Variants in DIAPH3 observed in about 807,000 individuals in gnomAD.
The protein encoded by DIAPH3 is diaphanous related formin 3, also known as protein diaphanous homolog 3.
In DIAPH3, 117 loss-of-function variants were observed where a neutral mutation model predicts 144.3. The observed-to-expected ratio is 0.81, with a 90% CI of 0.70 to 0.95. The LOEUF (loss-of-function observed/expected upper bound fraction) is 0.95, where lower values mean the gene tolerates loss of function less well. DIAPH3 is among the 40% of genes least tolerant of loss of function. The pLI, the probability that DIAPH3 is intolerant of heterozygous loss-of-function variation, is 0.00. For synonymous variants in DIAPH3, 519 were observed against 488.9 expected (o/e 1.06, Z -0.81); for missense variants, 1,421 against 1,412.7 (o/e 1.01, Z -0.09).
intron 3 of DIAPH3, among the ~76,000 whole-genome samples, chr13:60,097,870 ATT>A (rs1172642915): frequency 6.6e-6 from 1 of 152,178 alleles, no homozygotes; most frequent in African/African-American, 2.4e-5. Flanking sequence ...ATTAGAATAT[ATT>A]TTGAATTTCT....
intron 22 of DIAPH3, among the ~76,000 whole-genome samples, chr13:59,846,760 G>A (rs959725425): frequency 4.6e-5 from 7 of 152,072 alleles, no homozygotes; most frequent in Admixed American, 1.3e-4. Flanking sequence ...AGCTTAGTTC[G>A]TAACAGGCAA....
At chr13:60,045,262 C>G (rs1020456710) in intron 4 of DIAPH3, among the ~76,000 whole-genome samples, 1 of 151,958 alleles carries the variant, frequency 6.6e-6, no homozygotes, top group African/African-American at 2.4e-5. Flanking sequence ...ATCGCTTGAA[C>G]CCGGGAGGTG....
At position 60,163,692 on chromosome 13, in the gene DIAPH3, G is replaced by C. The variant is rs1330428073; in HGVS notation, c.75C>G (p.Ala25=). The C allele has an allele frequency of 6.2e-7, 1 of 1,608,282 alleles. No individual in the cohort carries two copies. Among genetic ancestry groups the C allele is most frequent in the Non-Finnish European group, 8.5e-7 (1 of 1,176,162 alleles). Residue 25 remains alanine (A), a synonymous_variant, in exon 1 of 28, where the codon GCC becomes GCG. Transcript: ENST00000400324. Reference sequence around the variant, plus strand: ...TGCTTTCCCGGCAGCCGCGGAGAGAGGCTGAGGAAGGGTAGGGAGTCCCAG... The same window carrying C: ...TGCTTTCCCGGCAGCCGCGGAGAGACGCTGAGGAAGGGTAGGGAGTCCCAG... ...SAAGTPYPSS[A]SLRGCRESKM... is the part of the protein sequence containing the mutation.
chr13:59,984,376 A>C (rs1413551856), intron 12 of DIAPH3, among the ~76,000 whole-genome samples: 1 of 151,760 alleles, frequency 6.6e-6, no homozygotes, highest in Non-Finnish European at 1.5e-5. Context: ...GTTATATATA[A>C]TATCAAATTC....
chr13:60,092,329 G>A (rs1372154285), intron 4 of DIAPH3, among the ~76,000 whole-genome samples: 2 of 152,088 alleles, frequency 1.3e-5, no homozygotes, highest in Non-Finnish European at 2.9e-5. Context: ...CAGTATCATA[G>A]TAGCAGGATA....
intron 3 of DIAPH3, among the ~76,000 whole-genome samples, chr13:60,108,943 T>C (rs1187368489): frequency 6.6e-6 from 1 of 152,058 alleles, no homozygotes; most frequent in East Asian, 1.9e-4. Context: ...CTTTCTGATG[T>C]GTTGAGGTTC....
intron 14 of DIAPH3, among the ~76,000 whole-genome samples, chr13:59,978,031 A>T (rs566810069): frequency 4.0e-5 from 6 of 151,872 alleles, no homozygotes; most frequent in African/African-American, 1.4e-4. Flanking sequence ...ACCCATGACT[A>T]GGTGAGGGAC....
At chr13:59,791,134 A>T (rs937985694) in intron 25 of DIAPH3, among the ~76,000 whole-genome samples, 45 of 151,996 alleles carry the variant, frequency 3.0e-4, no homozygotes, top group African/African-American at 1.0e-3. Context: ...CCAAGTAATT[A>T]AAAAAAATTT....
chr13:59,700,729 A>G (rs1479253626), intron 27 of DIAPH3, among the ~76,000 whole-genome samples: 1 of 152,168 alleles, frequency 6.6e-6, no homozygotes, highest in Non-Finnish European at 1.5e-5. Context: ...ATAAACCTTT[A>G]TTGTGTTAAG....
At chr13:59,969,378 G>T (rs988749667) in intron 17 of DIAPH3, among the ~76,000 whole-genome samples, 1 of 152,064 alleles carries the variant, frequency 6.6e-6, no homozygotes, top group Non-Finnish European at 1.5e-5. Flanking sequence ...TTATGTGATA[G>T]TCACTGTAAT....
At chr13:60,052,652 G>T (rs2141251947) in intron 4 of DIAPH3, among the ~76,000 whole-genome samples, 1 of 152,222 alleles carries the variant, frequency 6.6e-6, no homozygotes, top group African/African-American at 2.4e-5. Flanking sequence ...CAAAGTGAAT[G>T]GCTTTCAGTG....
intron 4 of DIAPH3, among the ~76,000 whole-genome samples, chr13:60,089,800 G>C (rs777414664): frequency 6.6e-6 from 1 of 152,172 alleles, no homozygotes; most frequent in Non-Finnish European, 1.5e-5. Flanking sequence ...TCTATGCTAT[G>C]AGTGAGCCCA....
chr13:60,069,090 C>T (rs117034208), intron 4 of DIAPH3, among the ~76,000 whole-genome samples: 5,561 of 152,262 alleles, frequency 0.037, 136 homozygotes, highest in East Asian at 0.074. Flanking sequence ...AACTAATTCA[C>T]ACTCTAACCA....
chr13:59,935,983 A>G (rs1021842091), intron 17 of DIAPH3, among the ~76,000 whole-genome samples: 2 of 152,206 alleles, frequency 1.3e-5, no homozygotes, highest in African/African-American at 4.8e-5. Flanking sequence ...TTTCTGTGAC[A>G]TTCTGTTTTA....
At chr13:60,087,777 C>G (rs1319615852) in intron 4 of DIAPH3, among the ~76,000 whole-genome samples, 1 of 122,694 alleles carries the variant, frequency 8.2e-6, no homozygotes, top group East Asian at 2.0e-4. Context: ...GCTTCTTGAT[C>G]CAAAATATCA....
intron 9 of DIAPH3, among the ~76,000 whole-genome samples, chr13:60,005,358 A>G (rs2052791754): frequency 6.6e-6 from 1 of 152,266 alleles, no homozygotes; most frequent in South Asian, 2.1e-4. Flanking sequence ...GAGAGAATCA[A>G]AGATTGTGGA....
rs770205991 is a variant in DIAPH3 at position 59,911,853 on chromosome 13, G to A, written c.2266-17C>T. 5.9e-6 allele frequency: 9 copies of A among 1,530,252 alleles called. No homozygotes were observed. In the South Asian group the frequency reaches 1.0e-4, roughly 17 times the overall value. The allele number at this position is 1,530,252 out of a possible 1,614,324, so 94.8% of individuals were successfully genotyped here. On this transcript the variant is annotated splice_polypyrimidine_tract_variant and intron_variant, in intron 19 of 27. Coordinates refer to ENST00000400324, the MANE Select transcript of DIAPH3 (RefSeq NM_001042517.2). Reference sequence around the variant, plus strand: ...TATTAAGTTCTAAAAATTAAAACCAGAAAGAAAGATCTTCACTAAATGTAC... The same window carrying A: ...TATTAAGTTCTAAAAATTAAAACCAAAAAGAAAGATCTTCACTAAATGTAC...
intron 25 of DIAPH3, among the ~76,000 whole-genome samples, chr13:59,800,656 C>T (rs1359056385): frequency 6.6e-6 from 1 of 152,124 alleles, no homozygotes; most frequent in Non-Finnish European, 1.5e-5. Context: ...AATTAGAATA[C>T]AGTATAATCC....
chr13:59,911,412 C>T (rs2046990595), intron 20 of DIAPH3, among the ~76,000 whole-genome samples: 1 of 152,158 alleles, frequency 6.6e-6, no homozygotes, highest in Non-Finnish European at 1.5e-5. Flanking sequence ...TTGGAATACA[C>T]AGCTCTAGAA....
Sources: gnomAD v4.1 joint callset for allele counts (sites outside exome capture counted in the v4.1 genomes callset) on GRCh38, gnomAD v4.1.1 for gene constraint, MANE v1.5 for transcripts, NCBI Gene and HGNC (gene_info 2026-07-23, HGNC 2026-07-21) for gene names.